HDAC4: variants seen among roughly 807,000 people sequenced by gnomAD.
The protein encoded by HDAC4 is histone deacetylase A.
Under a neutral mutation model 135.1 loss-of-function variants are expected in HDAC4, and 16 were observed. The ratio of observed to expected loss-of-function variants is 0.12; its 90% CI spans 0.08 to 0.18. The LOEUF is 0.18. HDAC4 is among the 10% of genes least tolerant of loss of function. The probability of loss-of-function intolerance (pLI) is 1.00; values close to 1 mark genes in which losing one functional copy is unlikely to be tolerated. For synonymous variants in HDAC4, 685 were observed against 653.4 expected (o/e 1.05, Z -0.74); for missense variants, 1,143 against 1,511.8 (o/e 0.76, Z 4.05).
At chr2:239,378,681 AACCAATGAACCCG>A (rs1260869362) in intron 1 of HDAC4, among the ~76,000 whole-genome samples, 6 of 127,456 alleles carry the variant, frequency 4.7e-5, no homozygotes, top group Non-Finnish European at 1.1e-4. Flanking sequence ...TGACCCCGGG[AACCAATGAACCCG>A]GGAACCAATA....
At chr2:239,335,113 AC>A (rs1276410926) in intron 2 of HDAC4, among the ~76,000 whole-genome samples, 1 of 152,154 alleles carries the variant, frequency 6.6e-6, no homozygotes, top group African/African-American at 2.4e-5. Context: ...AAGTTGGAAG[AC>A]CTACATTATT....
Position 239,346,832 on chromosome 2 carries a change from AACACACAC to A in HDAC4, c.22+5838_22+5845del, listed in dbSNP as rs34172605. ...TGTCTAAAACACACACACACCACCT[AACACACAC>A]ACCCTGTCTCACACACACCCTATCT... On this transcript the variant is annotated intron_variant, in intron 2 of 26. Transcript: ENST00000543185. Among the ~76,000 whole-genome samples, 54 of 131,276 alleles carry A rather than the reference AACACACAC, an allele frequency of 4.1e-4. No individual in the cohort carries two copies. In the East Asian group the frequency reaches 6.9e-3, roughly 17 times the overall value. 86.1% of individuals were successfully genotyped at this position (131,276 alleles called of 152,430 possible). A position where few individuals can be genotyped will look rare whatever the true frequency, so the allele number is the denominator to read the frequency against.
chr2:239,259,728 G>A (rs927206436), intron 2 of HDAC4, among the ~76,000 whole-genome samples: 7 of 152,184 alleles, frequency 4.6e-5, no homozygotes, highest in African/African-American at 1.7e-4. Flanking sequence ...CCAAAACCTG[G>A]TTGTTTAAAA....
In HDAC4 at chr2:239,231,738, TGCTGAGCACC is replaced by T. The variant is rs1287632254; in HGVS notation, c.94+4845_94+4854del. 1.4e-3 allele frequency among the ~76,000 whole-genome samples: 29 copies of T among 21,136 alleles called. 5 individuals are homozygous for T. Among genetic ancestry groups the T allele is most frequent in the Non-Finnish European group, 2.4e-3 (27 of 11,094 alleles). 13.9% of individuals were successfully genotyped at this position (21,136 alleles called of 152,430 possible). On this transcript the variant is annotated intron_variant, in intron 3 of 26. Transcript: ENST00000543185. Reference sequence around the variant, plus strand: ...AAGCGCCCCTGTCCTCAACCGAGGTTGCTGAGCACCTGCTCCCGGATGCCTGAGGTAGGTG... The same window carrying T: ...AAGCGCCCCTGTCCTCAACCGAGGTTTGCTCCCGGATGCCTGAGGTAGGTG...
At chr2:239,235,602 C>T (rs186801665) in intron 3 of HDAC4, among the ~76,000 whole-genome samples, 11 of 152,294 alleles carry the variant, frequency 7.2e-5, no homozygotes, top group Admixed American at 4.6e-4. Context: ...GTTTTATTCT[C>T]GGAGAGGCTG....
intron 3 of HDAC4, among the ~76,000 whole-genome samples, chr2:239,195,517 T>C (rs1316580795): frequency 2.6e-5 from 4 of 152,160 alleles, no homozygotes; most frequent in African/African-American, 9.7e-5. Context: ...AGAACCACAA[T>C]CGCATTCACG....
At chr2:239,153,689 T>G (rs1237893912) in intron 7 of HDAC4, among the ~76,000 whole-genome samples, 1 of 152,258 alleles carries the variant, frequency 6.6e-6, no homozygotes, top group Non-Finnish European at 1.5e-5. Flanking sequence ...AAATAACATT[T>G]CCCGGAGTGT....
At chr2:239,191,247 C>T (rs1187251751) in intron 3 of HDAC4, among the ~76,000 whole-genome samples, 2 of 152,214 alleles carry the variant, frequency 1.3e-5, no homozygotes, top group African/African-American at 4.8e-5. Context: ...AACAGCTCCT[C>T]GCCCCTCAGG....
rs10716644 is a variant in HDAC4 at position 239,222,534 on chromosome 2, CAAAAAA to C, written c.94+14053_94+14058del. On this transcript the variant is annotated intron_variant, in intron 3 of 26. Transcript: ENST00000543185. ...AATAGAACCAGGCCTTACCCCATAC[CAAAAAA>C]AAAAAAAAAAAAAATGGTGAAATGT... Among the ~76,000 whole-genome samples the C allele has an allele frequency of 4.5e-5, 5 of 112,254 alleles. No homozygotes were observed. In the South Asian group the frequency reaches 9.3e-4, roughly 21 times the overall value. 73.6% of individuals were successfully genotyped at this position (112,254 alleles called of 152,430 possible).
In HDAC4 at chr2:239,066,682, C is replaced by T. The variant is rs376949315; in HGVS notation, c.3003+40G>A. On this transcript the variant is annotated intron_variant, in intron 24 of 26. Transcript: ENST00000543185. ...AGCCAGGCCACAACCCCGAGCCTGTCAGTGTGGAGCATCCTGTGGGGTCTC... is the reference window on the plus strand; with the variant it reads ...AGCCAGGCCACAACCCCGAGCCTGTTAGTGTGGAGCATCCTGTGGGGTCTC... 257 of 1,612,606 alleles carry T rather than the reference C, an allele frequency of 1.6e-4. 1 individual carries two copies. The highest frequency in any genetic ancestry group is 7.9e-4 in the Middle Eastern group (4 of 5,076).
chr2:239,368,214 C>A (rs1280251409), intron 1 of HDAC4, among the ~76,000 whole-genome samples: 3 of 152,096 alleles, frequency 2.0e-5, no homozygotes, highest in Non-Finnish European at 4.4e-5. Context: ...AGTTTGAGAA[C>A]CGTGGCTCTG....
intron 2 of HDAC4, among the ~76,000 whole-genome samples, chr2:239,272,142 A>C (rs2050093649): frequency 6.6e-6 from 1 of 152,198 alleles, no homozygotes; most frequent in African/African-American, 2.4e-5. Context: ...CTGGGCAATA[A>C]AATCTGCCTC....
intron 2 of HDAC4, among the ~76,000 whole-genome samples, chr2:239,330,778 A>G (rs1320656595): frequency 2.0e-5 from 3 of 152,238 alleles, no homozygotes; most frequent in Non-Finnish European, 2.9e-5. Flanking sequence ...ATACAAGTAT[A>G]TTTATCTTTA....
At chr2:239,143,886 C>T (rs1004530891) in intron 8 of HDAC4, among the ~76,000 whole-genome samples, 2 of 152,256 alleles carry the variant, frequency 1.3e-5, no homozygotes, top group Non-Finnish European at 2.9e-5. Context: ...CTATCCAGGC[C>T]ATGCCCAAGC....
At chr2:239,134,762 T>A in intron 9 of HDAC4, 119 bp from the exon 10 acceptor site, 1 of 778,930 alleles carries the variant, frequency 1.3e-6, no homozygotes, top group South Asian at 1.4e-5. Flanking sequence ...AGCGTAAACG[T>A]ACATGTAACA....
intron 3 of HDAC4, among the ~76,000 whole-genome samples, chr2:239,228,659 G>A: frequency 6.6e-6 from 1 of 152,132 alleles, no homozygotes; most frequent in Non-Finnish European, 1.5e-5. Context: ...TATTGGGAAG[G>A]ACTGGAGAAG....
chr2:239,163,892 C>T lies in HDAC4; in HGVS notation c.522G>A (p.Lys174=). 1 of 1,614,136 alleles carries T rather than the reference C, an allele frequency of 6.2e-7. No homozygotes were observed. Among genetic ancestry groups the T allele is most frequent in the Non-Finnish European group, 8.5e-7 (1 of 1,180,030 alleles). Residue 174 remains lysine (K), a synonymous_variant, in exon 6 of 27, where the codon AAG becomes AAA. Coordinates refer to ENST00000543185, the MANE Select transcript of HDAC4 (RefSeq NM_001378414.1). ...TTTTATTGAGGACAAATTCTTGTAA[C>T]TTCATCTTCACTTCTGTGCTGGCCA... ...SAVASTEVKM[K]LQEFVLNKKK...
At chr2:239,172,804 T>C (rs2043537098) in intron 5 of HDAC4, among the ~76,000 whole-genome samples, 1 of 151,692 alleles carries the variant, frequency 6.6e-6, no homozygotes, top group Non-Finnish European at 1.5e-5. Flanking sequence ...AAACAACCAA[T>C]ATCTGGAGTG....
intron 1 of HDAC4, among the ~76,000 whole-genome samples, chr2:239,386,254 G>A (rs974342556): frequency 2.0e-5 from 3 of 152,060 alleles, no homozygotes; most frequent in African/African-American, 7.2e-5. Flanking sequence ...CACAGGGGGA[G>A]TCAAGGTCAC....
Sources: allele counts gnomAD v4.1 joint callset (sites outside exome capture counted in the v4.1 genomes callset), GRCh38; gene constraint gnomAD v4.1.1; transcripts MANE v1.5; gene names NCBI Gene and HGNC (gene_info 2026-07-23, HGNC 2026-07-21).